The following PIK3C2A variants were observed in gnomAD, a reference collection of about 807,000 sequenced individuals.
PIK3C2A encodes the protein phosphatidylinositol 4-phosphate 3-kinase C2 domain-containing subunit alpha.
In PIK3C2A, 97 loss-of-function variants were observed where a neutral mutation model predicts 204.5. That is an observed-to-expected ratio of 0.47 (90% CI 0.40 to 0.56). The LOEUF (loss-of-function observed/expected upper bound fraction) is 0.56. PIK3C2A is among the 20% of genes least tolerant of loss of function. The probability of loss-of-function intolerance (pLI) is 0.00; values close to 1 mark genes in which losing one functional copy is unlikely to be tolerated. For synonymous variants in PIK3C2A, 653 were observed against 664.4 expected, an observed-to-expected ratio of 0.98 and a Z score of 0.26; for missense variants, 1,735 against 1,969.2, an observed-to-expected ratio of 0.88 and a Z score of 2.25.
At chr11:17,095,714 CCATGTGCCTGGG>C in intron 27 of PIK3C2A, among the ~76,000 whole-genome samples, 1 of 151,910 alleles carries the variant, frequency 6.6e-6, no homozygotes, top group East Asian at 1.9e-4. Context: ...ATTCGCCTGG[CCATGTGCCTGGG>C]CAACATGGCG....
At chr11:17,110,722 G>A (rs1393199585) in intron 21 of PIK3C2A, among the ~76,000 whole-genome samples, 161 bp from the exon 22 acceptor site, 8 of 151,900 alleles carry the variant, frequency 5.3e-5, no homozygotes, top group Non-Finnish European at 8.8e-5. Flanking sequence ...TGGAAACCCC[G>A]CCTCTACTAA....
chr11:17,205,473 CAAAAAAAAAAAA>C (rs755518412), intron 1 of PIK3C2A, among the ~76,000 whole-genome samples: 1 of 25,366 alleles, frequency 3.9e-5, no homozygotes, highest in Non-Finnish European at 1.0e-4. Flanking sequence ...GACTCCATCT[CAAAAAAAAAAAA>C]AAAAAAAAAA....
chr11:17,191,942 A>T (rs1401017034), intron 1 of PIK3C2A, among the ~76,000 whole-genome samples: 1 of 151,634 alleles, frequency 6.6e-6, no homozygotes, highest in African/African-American at 2.4e-5. Context: ...AGACTAGCCT[A>T]AGAAACATAA....
chr11:17,145,593 C>T (rs899035900), intron 8 of PIK3C2A, 75 bp downstream of exon 8: 6 of 827,238 alleles, frequency 7.3e-6, no homozygotes, highest in African/African-American at 6.9e-5. Flanking sequence ...TAATCCAATG[C>T]CAACACTACC....
chr11:17,095,411 TAA>T (rs1225897360), intron 27 of PIK3C2A, among the ~76,000 whole-genome samples: 62 of 110,144 alleles, frequency 5.6e-4, no homozygotes, highest in Admixed American at 9.2e-4. Context: ...CTGTCTCTAC[TAA>T]AAAAAAAAAA....
chr11:17,132,011 T>G lies in PIK3C2A; in HGVS notation c.2136A>C (p.Ser712=), dbSNP rs778690539. Residue 712 remains serine, a synonymous_variant, in exon 12 of 33, where the codon TCA becomes TCC. Coordinates refer to ENST00000691414, the MANE Select transcript of PIK3C2A (RefSeq NM_002645.4). ...AAAGATCCTTTCCATTGTGAGACAGTGAACATATCAAGTAGTATTTTTCAT... is the reference window on the plus strand; with the variant it reads ...AAAGATCCTTTCCATTGTGAGACAGGGAACATATCAAGTAGTATTTTTCAT... ...SNYEKYYLIC[S]LSHNGKDLFK... 6.5e-7 allele frequency: 1 copy of G among 1,547,556 alleles called. No homozygotes were observed. Among genetic ancestry groups the G allele is most frequent in the Non-Finnish European group, 8.8e-7 (1 of 1,130,066 alleles).
chr11:17,179,460 C>T (rs527793702), intron 1 of PIK3C2A, among the ~76,000 whole-genome samples: 1 of 152,172 alleles, frequency 6.6e-6, no homozygotes, highest in South Asian at 2.1e-4. Flanking sequence ...TTGTACCTGG[C>T]CAACCTACAG....
chr11:17,203,577 T>C (rs557115471), intron 1 of PIK3C2A, among the ~76,000 whole-genome samples: 2 of 152,278 alleles, frequency 1.3e-5, no homozygotes, highest in Admixed American at 6.5e-5. Flanking sequence ...ACCATCAAAA[T>C]GATTACAAAT....
At chr11:17,178,515 A>T (rs1427884525) in intron 1 of PIK3C2A, among the ~76,000 whole-genome samples, 1 of 152,092 alleles carries the variant, frequency 6.6e-6, no homozygotes, top group Non-Finnish European at 1.5e-5. Context: ...GGAGAACAAA[A>T]TTTTATTTTT....
rs1174101245 is a variant in PIK3C2A at position 17,088,114 on chromosome 11, G to A, written c.*1624C>T. ...TCAGTTTTCTCACAGCAACCTGATT[G>A]GTACAATTTCTATTACCATTTTTAA... On this transcript the variant is annotated 3_prime_UTR_variant, in exon 33 of 33. Transcript: ENST00000691414. 6.6e-6 allele frequency: 1 copy of A among 151,894 alleles called. No homozygotes were observed. The highest frequency in any genetic ancestry group is 1.5e-5 in the Non-Finnish European group (1 of 67,984). The allele number at this position is 151,894 out of a possible 1,614,324, so 9.4% of individuals were successfully genotyped here.
At chr11:17,116,908 G>C (rs1849212827) in intron 19 of PIK3C2A, among the ~76,000 whole-genome samples, 1 of 152,062 alleles carries the variant, frequency 6.6e-6, no homozygotes, top group African/African-American at 2.4e-5. Flanking sequence ...ATTATTAATA[G>C]TCAAAAAGTG....
chr11:17,147,736 C>T, intron 5 of PIK3C2A, 108 bp from the exon 6 acceptor site: 1 of 618,530 alleles, frequency 1.6e-6, no homozygotes, highest in South Asian at 2.1e-5. Context: ...AATGGTGAAA[C>T]AGAGACAGTT....
intron 1 of PIK3C2A, among the ~76,000 whole-genome samples, chr11:17,172,267 G>A (rs1002727700): frequency 5.3e-5 from 8 of 152,194 alleles, no homozygotes; most frequent in Non-Finnish European, 5.9e-5. Flanking sequence ...GACACTGTGG[G>A]AATAGGAGTT....
rs1485087541 is a variant in PIK3C2A at position 17,122,240 on chromosome 11, T to C, written c.2605A>G (p.Asn869Asp). The C allele has an allele frequency of 1.9e-6, 3 of 1,545,102 alleles. No individual in the cohort carries two copies. Among genetic ancestry groups the C allele is most frequent in the Non-Finnish European group, 2.7e-6 (3 of 1,119,244 alleles). ...TCAAGAAGTTTCCCTTTTATATCAT[T>C]CTCTAGTGTTTCTAAGTTATGTTGC... ...IQQHNLETLE[N>D]DIKGKLLDIL... The change falls in exon 15 of 33, where the codon AAT becomes GAT. Residue 869 changes from asparagine (N) to aspartate (D), a missense_variant. Asn to Asp is a conservative substitution (Grantham distance 23). Around this residue, in one of 6 missense-constraint regions of PIK3C2A, gnomAD observed 567 missense variants for 576.0 expected, o/e 0.98. Transcript: ENST00000691414.
At chr11:17,170,785 G>GGA (rs1851129994) in intron 1 of PIK3C2A, among the ~76,000 whole-genome samples, 1 of 152,006 alleles carries the variant, frequency 6.6e-6, no homozygotes, top group Non-Finnish European at 1.5e-5. Flanking sequence ...TATGGATTCT[G>GGA]GAGTCACATC....
intron 14 of PIK3C2A, 54 bp downstream of exon 14, chr11:17,122,645 ACAT>A: frequency 2.5e-6 from 2 of 814,920 alleles, no homozygotes; most frequent in East Asian, 4.9e-5. Context: ...ATACACACAC[ACAT>A]TTTATGAAGA....
chr11:17,103,864 A>ACTTGG, intron 23 of PIK3C2A, among the ~76,000 whole-genome samples: 1 of 152,232 alleles, frequency 6.6e-6, no homozygotes, highest in East Asian at 1.9e-4. Flanking sequence ...AATGTATGCT[A>ACTTGG]CTTGGCAATT....
At chr11:17,158,176 C>T (rs1466512122) in intron 2 of PIK3C2A, among the ~76,000 whole-genome samples, 1 of 151,858 alleles carries the variant, frequency 6.6e-6, no homozygotes, top group Non-Finnish European at 1.5e-5. Flanking sequence ...TGGAGAAACC[C>T]CATCTCTACT....
At chr11:17,116,119 G>C (rs530823527) in intron 19 of PIK3C2A, among the ~76,000 whole-genome samples, 11 of 152,038 alleles carry the variant, frequency 7.2e-5, no homozygotes, top group African/African-American at 2.7e-4. Context: ...GACAACTGCA[G>C]AATGAAAAAA....
Sources: allele counts gnomAD v4.1 joint callset (sites outside exome capture counted in the v4.1 genomes callset), GRCh38; gene constraint gnomAD v4.1.1; regional missense constraint gnomAD v4.1.1; transcripts MANE v1.5; gene names NCBI Gene and HGNC (gene_info 2026-07-23, HGNC 2026-07-21).